ITPR1: variants seen among roughly 807,000 people sequenced by gnomAD.
ITPR1 encodes inositol 1,4,5-trisphosphate receptor type 1.
A neutral mutation model predicts 318.4 loss-of-function variants in ITPR1; 96 were observed. The ratio of observed to expected loss-of-function variants is 0.30; its 90% confidence interval spans 0.26 to 0.36. The LOEUF is 0.36. Ranked by LOEUF, ITPR1 falls within the 10% of genes least tolerant of loss-of-function variation. The pLI, the probability that ITPR1 is intolerant of heterozygous loss-of-function variation, is 1.00. For missense variants in ITPR1, 2,440 were observed against 3,460.2 expected, an observed-to-expected ratio of 0.71 and a Z score of 7.40; for synonymous variants, 1,312 against 1,289.9, an observed-to-expected ratio of 1.02 and a Z score of -0.37.
chr3:4,795,313 A>T (rs1559910037), intron 53 of ITPR1, 126 bp downstream of exon 53: 5 of 783,388 alleles, frequency 6.4e-6, no homozygotes, highest in Non-Finnish European at 3.7e-6. Flanking sequence ...CATTCAGACA[A>T]GAGGAGATTG....
Position 4,800,474 on chromosome 3 carries a change from C to A in ITPR1, c.6981C>A (p.Ile2327=). 1 of 1,614,074 alleles carries A rather than the reference C, an allele frequency of 6.2e-7. No individual in the cohort carries two copies. The highest frequency in any genetic ancestry group is 1.1e-5 in the South Asian group (1 of 91,090). Residue 2327 remains isoleucine, a synonymous_variant, in exon 54 of 62, where the codon ATC becomes ATA. Transcript: ENST00000649015. ...WSGLLWTAML[I]SLAIVIALPK... Reference sequence around the variant, plus strand: ...GACTCCTGTGGACAGCCATGCTCATCTCTCTGGCCATCGTCATTGCCCTCC... The same window carrying A: ...GACTCCTGTGGACAGCCATGCTCATATCTCTGGCCATCGTCATTGCCCTCC...
chr3:4,545,676 C>T (rs1421300183), intron 4 of ITPR1, among the ~76,000 whole-genome samples: 2 of 144,740 alleles, frequency 1.4e-5, no homozygotes, highest in African/African-American at 2.5e-5. Context: ...GTTCATATCA[C>T]GGCTAGTATG....
intron 6 of ITPR1, among the ~76,000 whole-genome samples, chr3:4,641,809 G>C (rs775742404): frequency 6.6e-6 from 1 of 152,256 alleles, no homozygotes; most frequent in Non-Finnish European, 1.5e-5. Flanking sequence ...ACGGATGGCA[G>C]GTTATGATGG....
At chr3:4,703,046 A>C in intron 36 of ITPR1, 96 bp downstream of exon 36, 1 of 1,356,262 alleles carries the variant, frequency 7.4e-7, no homozygotes, top group Non-Finnish European at 1.0e-6. Context: ...CAACTCTTCT[A>C]AAGTTACACA....
At chr3:4,798,194 C>G (rs1455807114) in intron 53 of ITPR1, among the ~76,000 whole-genome samples, 1 of 152,074 alleles carries the variant, frequency 6.6e-6, no homozygotes, top group African/African-American at 2.4e-5. Flanking sequence ...AAAATAGTTG[C>G]AAAATATATA....
At chr3:4,526,903 AT>A (rs2083025446) in intron 4 of ITPR1, among the ~76,000 whole-genome samples, 1 of 152,220 alleles carries the variant, frequency 6.6e-6, no homozygotes, top group African/African-American at 2.4e-5. Flanking sequence ...CTTTAGAGTA[AT>A]TTGTTGTCTT....
At chr3:4,574,882 G>A (rs2088459545) in intron 4 of ITPR1, among the ~76,000 whole-genome samples, 1 of 152,162 alleles carries the variant, frequency 6.6e-6, no homozygotes, top group African/African-American at 2.4e-5. Context: ...CAGGCTTCTG[G>A]GGTCTTTGGA....
rs114901018 is a variant in ITPR1 at position 4,808,216 on chromosome 3, T to C, written c.7272+1949T>C. Among the ~76,000 whole-genome samples, 158 of 152,302 alleles carry C rather than the reference T, an allele frequency of 1.0e-3. 2 individuals carry two copies. Among genetic ancestry groups the C allele is most frequent in the African/African-American group, 3.7e-3 (152 of 41,554 alleles). On this transcript the variant is annotated intron_variant, in intron 55 of 61. Transcript: ENST00000649015. ...TGCACTCTTCTCTACACACTCTCAC[T>C]ACCACCTTTGAGGTAGATGGTATCT...
At chr3:4,777,172 C>A in intron 47 of ITPR1, 92 bp from the exon 48 acceptor site, 1 of 713,026 alleles carries the variant, frequency 1.4e-6, no homozygotes. Flanking sequence ...GAGTGGTAAG[C>A]ATTGTGTTGA....
intron 4 of ITPR1, among the ~76,000 whole-genome samples, chr3:4,545,535 ATCTCTG>A (rs2124985234): frequency 6.7e-6 from 1 of 149,292 alleles, no homozygotes; most frequent in South Asian, 2.1e-4. Context: ...AGGTGTAAGG[ATCTCTG>A]GACCCTAGGA....
chr3:4,782,472 T>A (rs2046898168), intron 49 of ITPR1, 147 bp from the exon 50 acceptor site: 1 of 678,508 alleles, frequency 1.5e-6, no homozygotes, highest in East Asian at 3.0e-5. Context: ...TCATGAAGGA[T>A]TCTGAGGCTG....
chr3:4,666,432 C>G (rs1299911386), intron 17 of ITPR1, among the ~76,000 whole-genome samples: 2 of 152,108 alleles, frequency 1.3e-5, no homozygotes, highest in Admixed American at 1.3e-4. Flanking sequence ...GAGGATACAT[C>G]TGGGTCTGTG....
intron 60 of ITPR1, among the ~76,000 whole-genome samples, chr3:4,821,941 T>C (rs1873021): frequency 1 from 152,177 of 152,368 alleles, 75,994 homozygotes; most frequent in Middle Eastern, 1. Flanking sequence ...GTCTTCCCCT[T>C]TCTCCTTTCA....
chr3:4,818,862 A>G (rs1183551503), intron 60 of ITPR1, among the ~76,000 whole-genome samples: 2 of 152,164 alleles, frequency 1.3e-5, no homozygotes, highest in African/African-American at 4.8e-5. Flanking sequence ...GTTTGCTGAG[A>G]CACCAAACGT....
At position 4,710,042 on chromosome 3, in the gene ITPR1, T is replaced by C. The variant is rs2041236041; in HGVS notation, c.4843-283T>C. Among the ~76,000 whole-genome samples, 1 of 152,248 alleles carries C rather than the reference T, an allele frequency of 6.6e-6. No homozygotes were observed. The highest frequency in any genetic ancestry group is 6.5e-5 in the Admixed American group (1 of 15,288). ...GTTGTTAAATTGATTTTTTGCGTCA[T>C]ATTTTAAGCTACATGCAGTGGTACC... On this transcript the variant is annotated intron_variant, in intron 37 of 61. Coordinates refer to ENST00000649015, the MANE Select transcript of ITPR1 (RefSeq NM_001378452.1). The surrounding 1 kb of genome is among the most constrained non-coding windows in gnomAD (Gnocchi z 4.2).
intron 53 of ITPR1, among the ~76,000 whole-genome samples, chr3:4,796,793 C>T (rs940386821): frequency 6.6e-6 from 1 of 152,136 alleles, no homozygotes; most frequent in East Asian, 1.9e-4. Flanking sequence ...CCACTCTGGG[C>T]AAGCCACTTC....
chr3:4,713,337 T>C (rs1265260291), intron 39 of ITPR1, among the ~76,000 whole-genome samples: 2 of 152,216 alleles, frequency 1.3e-5, no homozygotes, highest in South Asian at 2.1e-4. Context: ...TTTTCTCTTA[T>C]TTGGAATATC....
chr3:4,703,410 C>A (rs2094696291), intron 36 of ITPR1, among the ~76,000 whole-genome samples: 1 of 152,118 alleles, frequency 6.6e-6, no homozygotes, highest in African/African-American at 2.4e-5. Context: ...AAATGATTCT[C>A]CATTTCCTCT....
At chr3:4,771,601 C>T (rs747349872) in intron 46 of ITPR1, among the ~76,000 whole-genome samples, 2 of 152,112 alleles carry the variant, frequency 1.3e-5, no homozygotes, top group East Asian at 1.9e-4. Flanking sequence ...CAGAATTCTC[C>T]GTTGAATCAA....
Sources: gnomAD v4.1 joint callset for allele counts (sites outside exome capture counted in the v4.1 genomes callset) on GRCh38, gnomAD v4.1.1 for gene constraint, Gnocchi (gnomAD v3.1) non-coding constraint, MANE v1.5 for transcripts, NCBI Gene and HGNC (gene_info 2026-07-23, HGNC 2026-07-21) for gene names.